The following ZNF710 variants were observed in gnomAD, a reference collection of about 807,000 sequenced individuals.
ZNF710 encodes the protein zinc finger protein 710.
A neutral mutation model predicts 50.6 loss-of-function variants in ZNF710; 13 were observed. The observed-to-expected ratio is 0.26, with a 90% CI of 0.17 to 0.41. The LOEUF is 0.41. ZNF710 is among the 10% of genes least tolerant of loss of function. The pLI is 1.00. For synonymous variants in ZNF710, 383 were observed against 397.0 expected (o/e 0.96, Z 0.42); for missense variants, 721 against 936.6 (o/e 0.77, Z 3.01).
chr15:90,057,464 G>A (rs1336758575), intron 1 of ZNF710, among the ~76,000 whole-genome samples: 1 of 152,078 alleles, frequency 6.6e-6, no homozygotes, highest in African/African-American at 2.4e-5. Flanking sequence ...GGGAGGCCAA[G>A]CTGGGTGGAT....
intron 1 of ZNF710, among the ~76,000 whole-genome samples, chr15:90,014,512 T>TAAA (rs61272254): frequency 1.6e-5 from 2 of 123,910 alleles, no homozygotes; most frequent in African/African-American, 2.9e-5. Context: ...CCCTATCTCT[T>TAAA]AAAAAAAAAA....
At chr15:90,074,664 G>A in intron 4 of ZNF710, 2 of 446,470 alleles carry the variant, frequency 4.5e-6, no homozygotes, top group Non-Finnish European at 7.6e-6. Flanking sequence ...GCTCATGCAA[G>A]ATGACAACAC....
chr15:90,079,250 A>C lies in ZNF710; in HGVS notation c.1826-410A>C, dbSNP rs192727110. 8.5e-5 allele frequency among the ~76,000 whole-genome samples: 13 copies of C among 152,362 alleles called. No individual in the cohort carries two copies. In the East Asian group the frequency reaches 2.1e-3, roughly 25 times the overall value. ...AGGCGAGGCCTGCGAAGTGGCTGGC[A>C]TGCAGCAGGTGCTAATGAGTGCTGC... On this transcript the variant is annotated intron_variant, in intron 4 of 4. Transcript: ENST00000268154.
At chr15:90,004,266 G>C (rs1437464390) in intron 1 of ZNF710, among the ~76,000 whole-genome samples, 1 of 152,196 alleles carries the variant, frequency 6.6e-6, no homozygotes. Flanking sequence ...GGTTTGCCTT[G>C]TGGCCCAGAG....
At chr15:90,051,098 G>A (rs1049642729) in intron 1 of ZNF710, among the ~76,000 whole-genome samples, 9 of 152,058 alleles carry the variant, frequency 5.9e-5, no homozygotes. Flanking sequence ...AATTAGCCGG[G>A]TGTGGTGACA....
At chr15:90,045,474 A>ATCTCTCATGGC in intron 1 of ZNF710, 1 of 902,392 alleles carries the variant, frequency 1.1e-6, no homozygotes, top group Non-Finnish European at 1.3e-6. Flanking sequence ...CGCAGAAGCC[A>ATCTCTCATGGC]TGAGAGATGG....
rs1240216856 is a variant in ZNF710 at position 90,023,862 on chromosome 15, A to G, written c.-29+22248A>G. On this transcript the variant is annotated intron_variant, in intron 1 of 4. Transcript: ENST00000268154. ...AAATACAAAAAAATTAGCTGGACAT[A>G]GTGGCATACACCTGTAGTCCCAGCT... Among the ~76,000 whole-genome samples, 3 of 152,114 alleles carry G rather than the reference A, an allele frequency of 2.0e-5. No individual in the cohort carries two copies. The East Asian group carries it at 5.8e-4, about 29-fold the overall frequency.
At chr15:90,006,024 T>C (rs1898133023) in intron 1 of ZNF710, among the ~76,000 whole-genome samples, 1 of 152,104 alleles carries the variant, frequency 6.6e-6, no homozygotes. Context: ...GAGTTGGGCG[T>C]TCAGCACTTT....
chr15:90,065,828 G>C (rs1900153566), intron 1 of ZNF710, among the ~76,000 whole-genome samples: 1 of 152,174 alleles, frequency 6.6e-6, no homozygotes, highest in East Asian at 1.9e-4. Context: ...GATCACTTCA[G>C]TGCTGGAGGT....
At chr15:90,074,807 C>T (rs1596065335) in intron 4 of ZNF710, 1 of 327,074 alleles carries the variant, frequency 3.1e-6, no homozygotes, top group East Asian at 1.0e-4. Context: ...GTCCCAACTC[C>T]AAGTACACCA....
At chr15:90,032,355 G>A (rs1031947833) in intron 1 of ZNF710, among the ~76,000 whole-genome samples, 10 of 152,200 alleles carry the variant, frequency 6.6e-5, no homozygotes, top group Admixed American at 6.5e-4. Flanking sequence ...ATGGAACTCA[G>A]CAGATCACAT....
At chr15:90,053,710 C>A (rs1314528259) in intron 1 of ZNF710, among the ~76,000 whole-genome samples, 5 of 152,276 alleles carry the variant, frequency 3.3e-5, no homozygotes, top group Admixed American at 6.5e-5. Flanking sequence ...CTAGGTCCTG[C>A]CCTTGCTTCA....
chr15:90,068,263 G>A lies in ZNF710; in HGVS notation c.1126G>A (p.Val376Ile), dbSNP rs1434630702. Reference sequence around the variant, plus strand: ...GCGCCACATGCTGCTGCACTCGGAGGTCAAGCCCTACAGCTGCCACTTCTG... The same window carrying A: ...GCGCCACATGCTGCTGCACTCGGAGATCAAGCCCTACAGCTGCCACTTCTG... ...LKRHMLLHSE[V>I]KPYSCHFCGR... is the part of the protein sequence containing the mutation. Residue 376 changes from valine (V) to isoleucine (I), a missense_variant, in exon 2 of 5, where the codon GTC becomes ATC. Around this residue, in one of 3 missense-constraint regions of ZNF710, gnomAD observed 326 missense variants for 522.0 expected, o/e 0.62. Transcript: ENST00000268154. This position sits in a 1 kb window ranked among gnomAD's most constrained non-coding sequence, Gnocchi z 5.0. 4 of 1,613,226 alleles carry A rather than the reference G, an allele frequency of 2.5e-6. No individual in the cohort carries two copies. Among genetic ancestry groups the A allele is most frequent in the Non-Finnish European group, 2.5e-6 (3 of 1,180,006 alleles).
chr15:90,000,860 G>C (rs567093697), upstream of ZNF710, among the ~76,000 whole-genome samples: 3 of 152,172 alleles, frequency 2.0e-5, no homozygotes, highest in South Asian at 2.1e-4. Context: ...GCTTCCCTTG[G>C]GGGGGGCGGG....
At position 90,034,777 on chromosome 15, in the gene ZNF710, C is replaced by T. The variant is rs1292547653; in HGVS notation, c.-28-32333C>T. On this transcript the variant is annotated intron_variant, in intron 1 of 4. Coordinates refer to ENST00000268154, the MANE Select transcript of ZNF710 (RefSeq NM_198526.4). This position sits in a 1 kb window ranked among gnomAD's most constrained non-coding sequence, Gnocchi z 4.0. ...CCGGCTCCACCTGCCTCAGGTTTTG[C>T]CTGCAGGTGCATTTCCTTTGCACAC... 6.6e-6 allele frequency among the ~76,000 whole-genome samples: 1 copy of T among 152,196 alleles called. No individual in the cohort carries two copies. The highest frequency in any genetic ancestry group is 6.5e-5 in the Admixed American group (1 of 15,284).
chr15:90,016,708 A>G (rs1230424782), intron 1 of ZNF710, among the ~76,000 whole-genome samples: 1 of 152,194 alleles, frequency 6.6e-6, no homozygotes, highest in Non-Finnish European at 1.5e-5. Flanking sequence ...GGCGTGGGCC[A>G]CTGTGCCTGG....
At chr15:90,027,226 T>C (rs556826358) in intron 1 of ZNF710, among the ~76,000 whole-genome samples, 3 of 152,244 alleles carry the variant, frequency 2.0e-5, no homozygotes, top group Non-Finnish European at 2.9e-5. Context: ...TGTTTTTTTT[T>C]TGGAGACAGA....
chr15:90,003,187 G>A (rs771457673), intron 1 of ZNF710, among the ~76,000 whole-genome samples: 2 of 152,220 alleles, frequency 1.3e-5, no homozygotes, highest in South Asian at 2.1e-4. Context: ...TGGGTCTGAG[G>A]GAGGCCTGCC....
intron 1 of ZNF710, among the ~76,000 whole-genome samples, chr15:90,058,721 A>ATATATGTATATGTATG (rs1567236953): frequency 6.9e-6 from 1 of 144,576 alleles, no homozygotes; most frequent in African/African-American, 2.9e-5. Flanking sequence ...ATATATATAC[A>ATATATGTATATGTATG]CACATATACA....
Sources: gnomAD v4.1 joint callset for allele counts (sites outside exome capture counted in the v4.1 genomes callset) on GRCh38, gnomAD v4.1.1 for gene constraint, gnomAD v4.1.1 regional missense constraint, Gnocchi (gnomAD v3.1) non-coding constraint, MANE v1.5 for transcripts, NCBI Gene and HGNC (gene_info 2026-07-23, HGNC 2026-07-21) for gene names.